BRCA1: variants seen among roughly 807,000 people sequenced by gnomAD.
BRCA1 encodes the protein breast cancer type 1 susceptibility protein.
In BRCA1, 140 loss-of-function variants were observed where a neutral mutation model predicts 173.7. The observed-to-expected ratio is 0.81, with a 90% CI of 0.70 to 0.93. The LOEUF is 0.93. Among genes scored for constraint, BRCA1 ranks in the 40% least tolerant of loss-of-function variants. The probability of loss-of-function intolerance (pLI) is 0.00; values close to 1 mark genes in which losing one functional copy is unlikely to be tolerated. For missense variants in BRCA1, 1,983 were observed against 2,172.5 expected (o/e 0.91, Z 1.73); for synonymous variants, 662 against 756.0 (o/e 0.88, Z 2.04).
intron 1 of BRCA1, chr17:43,142,427 T>C (rs2056081884): frequency 6.6e-6 from 1 of 152,266 alleles, no homozygotes. Context: ...AACCATGGCT[T>C]ATCCCCCTTT....
intron 6 of BRCA1, among the ~76,000 whole-genome samples, chr17:43,102,055 A>T (rs1214580100): frequency 6.6e-6 from 1 of 151,232 alleles, no homozygotes; most frequent in Non-Finnish European, 1.5e-5. Flanking sequence ...GGTGCATACC[A>T]CCACGCCCAG....
Position 43,101,922 on chromosome 17 carries a change from A to T in BRCA1, c.442-2042T>A, listed in dbSNP as rs2054493077. 3.3e-5 allele frequency among the ~76,000 whole-genome samples: 5 copies of T among 152,022 alleles called. No individual in the cohort carries two copies. The South Asian group carries it at 1.0e-3, about 32-fold the overall frequency. On this transcript the variant is annotated intron_variant, in intron 6 of 22. Coordinates refer to ENST00000357654, the MANE Select transcript of BRCA1 (RefSeq NM_007294.4). ...AGTTCAAGTAATTTTCCCTTTTTTT[A>T]AAAGATAGGGTCTCAGTCACCTGCG... is the stretch of plus-strand genomic sequence containing the variant.
At chr17:43,127,007 GC>G (rs1235233049), upstream of BRCA1, among the ~76,000 whole-genome samples, 7 of 152,154 alleles carry the variant, frequency 4.6e-5, no homozygotes, top group Non-Finnish European at 8.8e-5. Flanking sequence ...AGCACTGCCG[GC>G]CCGCCTGCAC....
At position 43,045,576 on chromosome 17, in the gene BRCA1, G is replaced by A. The variant is rs1324302690; in HGVS notation, c.*102C>T. The A allele has an allele frequency of 6.6e-7, 1 of 1,508,430 alleles. No homozygotes were observed. Among genetic ancestry groups the A allele is most frequent in the East Asian group, 2.3e-5 (1 of 43,714 alleles). The allele number at this position is 1,508,430 out of a possible 1,614,324, so 93.4% of individuals were successfully genotyped here. A position where few individuals can be genotyped will look rare whatever the true frequency, so the allele number is the denominator to read the frequency against. ...CATAAAATATTTAGTAGCCAGGACA[G>A]TAGAAGGACTGAAGAGTGAGAGGAG... On this transcript the variant is annotated 3_prime_UTR_variant, in exon 23 of 23. Coordinates refer to ENST00000357654, the MANE Select transcript of BRCA1 (RefSeq NM_007294.4).
At chr17:43,153,699 T>A (rs756069285) in intron 1 of BRCA1, 1 of 152,202 alleles carries the variant, frequency 6.6e-6, no homozygotes, top group Non-Finnish European at 1.5e-5. Flanking sequence ...TTATCAATCC[T>A]GCTAACCCTC....
rs786203804 is a variant in BRCA1, at chr17:43,092,618, A to G, written c.2913T>C (p.His971=). The part of the protein sequence containing the change: ...NETGLITPNK[H]GLLQNPYRIP... ...TACGATATGGGTTTTGTAAAAGTCCATGTTTATTTGGAGTAATGAGTCCAG... is the reference window on the plus strand; with the variant it reads ...TACGATATGGGTTTTGTAAAAGTCCGTGTTTATTTGGAGTAATGAGTCCAG... The change falls in exon 10 of 23, where the codon CAT becomes CAC. Residue 971 remains histidine (H), a synonymous_variant. Transcript: ENST00000357654. 6.8e-6 allele frequency: 11 copies of G among 1,614,052 alleles called. No homozygotes were observed. The highest frequency in any genetic ancestry group is 8.5e-6 in the Non-Finnish European group (10 of 1,179,992).
chr17:43,120,999 G>A (rs955587531), intron 2 of BRCA1, among the ~76,000 whole-genome samples: 1 of 151,904 alleles, frequency 6.6e-6, no homozygotes, highest in African/African-American at 2.4e-5. Context: ...GAACCTGGCA[G>A]GCGGAGGTTG....
At chr17:43,063,290 C>T (rs2051846860) in intron 18 of BRCA1, 43 bp downstream of exon 18, 2 of 1,504,140 alleles carry the variant, frequency 1.3e-6, no homozygotes, top group Non-Finnish European at 1.9e-6. Flanking sequence ...AACTATATGA[C>T]TGAATGAATA....
intron 15 of BRCA1, among the ~76,000 whole-genome samples, chr17:43,068,193 C>T (rs1430818577): frequency 2.0e-5 from 3 of 150,882 alleles, no homozygotes; most frequent in Non-Finnish European, 4.4e-5. Flanking sequence ...AGGAGAATGG[C>T]GTGAACCCAG....
At chr17:43,053,324 A>G (rs1453116394) in intron 19 of BRCA1, among the ~76,000 whole-genome samples, 1 of 152,242 alleles carries the variant, frequency 6.6e-6, no homozygotes, top group African/African-American at 2.4e-5. Flanking sequence ...GTTTATATCC[A>G]GGCTAACACT....
At chr17:43,078,963 G>A (rs986132421) in intron 12 of BRCA1, among the ~76,000 whole-genome samples, 1 of 152,190 alleles carries the variant, frequency 6.6e-6, no homozygotes, top group African/African-American at 2.4e-5. Flanking sequence ...ACTTTGAGAG[G>A]CCGAGGTGGA....
chr17:43,153,724 G>A (rs541777086), intron 1 of BRCA1: 19 of 152,212 alleles, frequency 1.2e-4, no homozygotes, highest in African/African-American at 4.3e-4. Context: ...CTTATTTCCT[G>A]TAAATTAGAC....
chr17:43,092,919 G>C lies in BRCA1; in HGVS notation c.2612C>G (p.Pro871Arg), dbSNP rs799917. ...TTCTGCATTTCCTGGATTTGAAAACGGAGCAAATGACTGGCGCTTTGAAAC... is the reference window on the plus strand; with the variant it reads ...TTCTGCATTTCCTGGATTTGAAAACCGAGCAAATGACTGGCGCTTTGAAAC... The part of the protein sequence containing the change: ...FKVSKRQSFA[P>R]FSNPGNAEEE... The change falls in exon 10 of 23, where the codon CCG (proline) becomes CGG (arginine). Residue 871 changes from proline to arginine, a missense_variant. Transcript: ENST00000357654. The C allele has an allele frequency of 3.7e-6, 6 of 1,613,424 alleles. No homozygotes were observed. In the Admixed American group the frequency reaches 1.0e-4, roughly 27 times the overall value.
intron 1 of BRCA1, among the ~76,000 whole-genome samples, chr17:43,143,074 ATG>A (rs773830544): frequency 6.7e-6 from 1 of 149,228 alleles, no homozygotes; most frequent in African/African-American, 2.5e-5. Flanking sequence ...ATGTATATAT[ATG>A]TGTGTGTGTA....
intron 1 of BRCA1, chr17:43,162,889 C>T (rs1294735675): frequency 2.0e-5 from 3 of 152,160 alleles, no homozygotes; most frequent in Non-Finnish European, 4.4e-5. Context: ...AGGATAGTCT[C>T]GGAGGTTGGG....
At chr17:43,107,276 G>C (rs2054836682) in intron 3 of BRCA1, among the ~76,000 whole-genome samples, 1 of 151,504 alleles carries the variant, frequency 6.6e-6, no homozygotes, top group South Asian at 2.1e-4. Flanking sequence ...TGTTAGCCAG[G>C]ATGGTCTCCA....
chr17:43,102,798 AC>A (rs2054551180), intron 6 of BRCA1, among the ~76,000 whole-genome samples: 1 of 152,032 alleles, frequency 6.6e-6, no homozygotes, highest in Non-Finnish European at 1.5e-5. Context: ...GACTACAGGC[AC>A]ACACCACCAT....
At chr17:43,100,669 TATATATATAA>T (rs2054405755) in intron 6 of BRCA1, among the ~76,000 whole-genome samples, 2 of 24,776 alleles carry the variant, frequency 8.1e-5, no homozygotes, top group African/African-American at 5.4e-4. Flanking sequence ...TATATATATA[TATATATATAA>T]TATATATATA....
At chr17:43,096,978 C>T (rs1366076673) in intron 8 of BRCA1, among the ~76,000 whole-genome samples, 1 of 152,038 alleles carries the variant, frequency 6.6e-6, no homozygotes, top group East Asian at 1.9e-4. Context: ...GAAACACCAG[C>T]CTACTTGAGG....
Sources: gnomAD v4.1 joint callset for allele counts (sites outside exome capture counted in the v4.1 genomes callset) on GRCh38, gnomAD v4.1.1 for gene constraint, MANE v1.5 for transcripts, NCBI Gene and HGNC (gene_info 2026-07-23, HGNC 2026-07-21) for gene names.